Variants in GPATCH2L observed in about 807,000 individuals in gnomAD.
The protein encoded by GPATCH2L is G-patch domain containing 2 like.
GPATCH2L carries 31 observed loss-of-function variants against 57.4 expected under a neutral mutation model. The observed-to-expected ratio is 0.54, with a 90% CI of 0.41 to 0.73. The LOEUF (loss-of-function observed/expected upper bound fraction) is 0.73, where lower values mean the gene tolerates loss of function less well. Ranked by LOEUF, GPATCH2L falls within the 30% of genes least tolerant of loss-of-function variation. The pLI, the probability that GPATCH2L is intolerant of heterozygous loss-of-function variation, is 0.00. For missense variants in GPATCH2L, 481 were observed against 599.9 expected, an observed-to-expected ratio of 0.80 and a Z score of 2.07; for synonymous variants, 199 against 210.7, an observed-to-expected ratio of 0.94 and a Z score of 0.48.
At chr14:76,183,841 A>C (rs769944587) in intron 8 of GPATCH2L, among the ~76,000 whole-genome samples, 2 of 152,208 alleles carry the variant, frequency 1.3e-5, no homozygotes, top group Non-Finnish European at 2.9e-5. Flanking sequence ...ATTTAGCAAA[A>C]GCCTGGCACC....
chr14:76,165,848 G>C (rs1234492363), intron 2 of GPATCH2L, among the ~76,000 whole-genome samples: 1 of 152,092 alleles, frequency 6.6e-6, no homozygotes, highest in Admixed American at 6.5e-5. Flanking sequence ...CCTTGCTTTG[G>C]TTTCTTGCAT....
intron 2 of GPATCH2L, among the ~76,000 whole-genome samples, chr14:76,155,598 GT>G (rs2038270277): frequency 6.6e-6 from 1 of 152,116 alleles, no homozygotes; most frequent in Non-Finnish European, 1.5e-5. Context: ...ACAGTACCGA[GT>G]CCCATTAGTC....
intron 9 of GPATCH2L, chr14:76,196,439 T>TTTG (rs201618382): frequency 0.14 from 21,067 of 155,054 alleles, 1,542 homozygotes; most frequent in African/African-American, 0.2. Context: ...ACTTTTCAGT[T>TTTG]TTTTTTTTTT....
chr14:76,209,111 A>G lies in GPATCH2L; in HGVS notation c.*7260A>G, dbSNP rs1293327923. On this transcript the variant is annotated 3_prime_UTR_variant, in exon 10 of 10. Coordinates refer to ENST00000261530, the MANE Select transcript of GPATCH2L (RefSeq NM_017926.4). The stretch of plus-strand genomic sequence containing the variant: ...TTGATTTTTATGACACTGATGCTAT[A>G]TAACCACTTCCTTCTTTGGAATGCT... The G allele has an allele frequency of 1.3e-5, 2 of 152,276 alleles. No individual in the cohort carries two copies. The highest frequency in any genetic ancestry group is 2.9e-5 in the Non-Finnish European group (2 of 68,070). 9.4% of individuals were successfully genotyped at this position (152,276 alleles called of 1,614,324 possible).
At chr14:76,182,943 C>G (rs1054223194) in intron 8 of GPATCH2L, among the ~76,000 whole-genome samples, 1 of 152,156 alleles carries the variant, frequency 6.6e-6, no homozygotes, top group Non-Finnish European at 1.5e-5. Flanking sequence ...AGCTTTTTGT[C>G]TTAATACCAA....
At chr14:76,171,269 CA>C (rs2039068320) in intron 3 of GPATCH2L, among the ~76,000 whole-genome samples, 1 of 141,880 alleles carries the variant, frequency 7.0e-6, no homozygotes, top group Non-Finnish European at 1.5e-5. Flanking sequence ...CCAGTTTCTA[CA>C]GAGAATTAAA....
At chr14:76,166,399 A>T (rs966952274) in intron 2 of GPATCH2L, among the ~76,000 whole-genome samples, 1 of 152,218 alleles carries the variant, frequency 6.6e-6, no homozygotes, top group East Asian at 1.9e-4. Flanking sequence ...TTGAGCTTTA[A>T]TAGCTTTCTA....
At chr14:76,229,443 G>A (rs1324641718) in intron 1 of GPATCH2L, among the ~76,000 whole-genome samples, 1 of 152,088 alleles carries the variant, frequency 6.6e-6, no homozygotes, top group Non-Finnish European at 1.5e-5. Flanking sequence ...TCCTATAATT[G>A]CTCATGTTTG....
Position 76,188,164 on chromosome 14 carries a change from G to A in GPATCH2L, c.1193+7315G>A, listed in dbSNP as rs543040073. 4.6e-5 allele frequency among the ~76,000 whole-genome samples: 7 copies of A among 152,120 alleles called. No individual in the cohort carries two copies. The East Asian group carries it at 7.7e-4, about 17-fold the overall frequency. On this transcript the variant is annotated intron_variant, in intron 8 of 9. Transcript: ENST00000261530. ...TCCGAATTTTGGCTATTGTGAACAGGGCTGCAGCAAACCTGGGGGTGCAGA... is the reference window on the plus strand; with the variant it reads ...TCCGAATTTTGGCTATTGTGAACAGAGCTGCAGCAAACCTGGGGGTGCAGA...
At chr14:76,174,968 T>G (rs2039256581) in intron 5 of GPATCH2L, 1 of 152,222 alleles carries the variant, frequency 6.6e-6, no homozygotes, top group Non-Finnish European at 1.5e-5. Context: ...AGACATTTGA[T>G]TATTGGAAAA....
chr14:76,165,580 C>T (rs1338227712), intron 2 of GPATCH2L, among the ~76,000 whole-genome samples: 2 of 151,180 alleles, frequency 1.3e-5, no homozygotes, highest in African/African-American at 4.9e-5. Context: ...GCATGTATCC[C>T]AGAACTTAAA....
At chr14:76,199,349 T>A (rs753531374) in intron 9 of GPATCH2L, among the ~76,000 whole-genome samples, 5 of 152,174 alleles carry the variant, frequency 3.3e-5, no homozygotes, top group Admixed American at 6.6e-5. Context: ...AGTTTTGTGT[T>A]TTTGAACCTT....
intron 1 of GPATCH2L, among the ~76,000 whole-genome samples, chr14:76,225,679 C>T (rs1012292282): frequency 6.6e-5 from 10 of 152,200 alleles, no homozygotes; most frequent in Admixed American, 4.6e-4. Flanking sequence ...AAGCAAGCCA[C>T]AAAATAGGAG....
Position 76,208,150 on chromosome 14 carries a change from TA to T in GPATCH2L, c.*6301del, listed in dbSNP as rs2040399806. 1 of 152,322 alleles carries T rather than the reference TA, an allele frequency of 6.6e-6. No homozygotes were observed. The highest frequency in any genetic ancestry group is 2.4e-5 in the African/African-American group (1 of 41,568). The allele number at this position is 152,322 out of a possible 1,614,324, so 9.4% of individuals were successfully genotyped here. A position where few individuals can be genotyped will look rare whatever the true frequency, so the allele number is the denominator to read the frequency against. On this transcript the variant is annotated 3_prime_UTR_variant, in exon 10 of 10. Coordinates refer to ENST00000261530, the MANE Select transcript of GPATCH2L (RefSeq NM_017926.4). ...GTGAGACTAAAAAGTTAGAAGGCTT[TA>T]AGATGTAAATTATATAAGTTAATGT...
At chr14:76,215,399 A>C (rs372595029), downstream of GPATCH2L, among the ~76,000 whole-genome samples, 2,859 of 151,332 alleles carry the variant, frequency 0.019, 48 homozygotes, top group South Asian at 0.06. Flanking sequence ...CATTTGACCC[A>C]GCCATCCCAT....
chr14:76,235,191 AAG>A (rs1351263160), intron 2 of GPATCH2L, among the ~76,000 whole-genome samples: 1 of 152,070 alleles, frequency 6.6e-6, no homozygotes, highest in African/African-American at 2.4e-5. Context: ...AAAAGAAAAA[AAG>A]AAAATGAATA....
chr14:76,181,192 T>C (rs1379416172), intron 8 of GPATCH2L, among the ~76,000 whole-genome samples: 1 of 152,256 alleles, frequency 6.6e-6, no homozygotes, highest in East Asian at 1.9e-4. Flanking sequence ...TCCCTACATG[T>C]ACAGCCTCCT....
rs370625956 is a variant in GPATCH2L at position 76,183,099 on chromosome 14, T to C, written c.1193+2250T>C. Reference sequence around the variant, plus strand: ...TGTGCTGAGATCAGTATTCGTACTTTTGTCAGGTTTCCTGTTTCCTTTAAA... The same window carrying C: ...TGTGCTGAGATCAGTATTCGTACTTCTGTCAGGTTTCCTGTTTCCTTTAAA... On this transcript the variant is annotated intron_variant, in intron 8 of 9. Transcript: ENST00000261530. Among the ~76,000 whole-genome samples, 244 of 152,372 alleles carry C rather than the reference T, an allele frequency of 1.6e-3. 11 individuals are homozygous for C. The South Asian group carries it at 0.044, about 27-fold the overall frequency.
Position 76,180,782 on chromosome 14 carries a change from C to T in GPATCH2L, c.1126C>T (p.Leu376Phe). Reference protein sequence around the residue: ...CAHEFNPLSPLYSLDVLADAS... With the variant: ...CAHEFNPLSPFYSLDVLADAS... ...CCTGCAGTTCAATCCCCTGTCTCCC[C>T]TTTACTCCCTGGATGTTCTTGCCGA... The change falls in exon 8 of 10, where the codon CTT becomes TTT. Residue 376 changes from leucine (L) to phenylalanine (F), a missense_variant. Physicochemically the swap from Leu to Phe is conservative, Grantham distance 22. Coordinates refer to ENST00000261530, the MANE Select transcript of GPATCH2L (RefSeq NM_017926.4). 6.2e-7 allele frequency: 1 copy of T among 1,612,140 alleles called. No individual in the cohort carries two copies. Among genetic ancestry groups the T allele is most frequent in the Admixed American group, 1.7e-5 (1 of 60,018 alleles).
Sources: gnomAD v4.1 joint callset for allele counts (sites outside exome capture counted in the v4.1 genomes callset) on GRCh38, gnomAD v4.1.1 for gene constraint, MANE v1.5 for transcripts, NCBI Gene and HGNC (gene_info 2026-07-23, HGNC 2026-07-21) for gene names.